Variants in IL13RA1 observed in about 807,000 individuals in gnomAD.
The protein encoded by IL13RA1 is interleukin-13 receptor subunit alpha-1.
Under a neutral mutation model 33.8 loss-of-function variants are expected in IL13RA1, and 14 were observed. The observed-to-expected ratio is 0.41, with a 90% CI of 0.27 to 0.65. The LOEUF (loss-of-function observed/expected upper bound fraction) is 0.65. IL13RA1 is among the 30% of genes least tolerant of loss of function. The pLI is 0.28. For missense variants in IL13RA1, 313 were observed against 327.0 expected (o/e 0.96, Z 0.33); for synonymous variants, 116 against 115.7 (o/e 1.00, Z -0.02).
In IL13RA1 at chrX:118,794,352, A is replaced by G. The variant is rs1056853529; in HGVS notation, c.*2498A>G. ...GATTTTTTCCTAACATACCTAAGCA[A>G]ACCCAGTGTCAGGATGGTAATTCTT... On this transcript the variant is annotated 3_prime_UTR_variant, in exon 11 of 11. Transcript: ENST00000371666. The G allele has an allele frequency of 1.8e-5, 2 of 112,298 alleles. No individual in the cohort carries two copies. Among genetic ancestry groups the G allele is most frequent in the Non-Finnish European group, 3.8e-5 (2 of 53,210 alleles). The allele number at this position is 112,298 out of a possible 1,213,427, so 9.3% of individuals were successfully genotyped here. A position where few individuals can be genotyped will look rare whatever the true frequency, so the allele number is the denominator to read the frequency against.
chrX:118,756,993 G>C (rs1035470707), intron 4 of IL13RA1, among the ~76,000 whole-genome samples: 1 of 111,223 alleles, frequency 9.0e-6, no homozygotes, highest in Non-Finnish European at 1.9e-5. Flanking sequence ...GTCAGAAAGA[G>C]GGAAGAATGT....
At chrX:118,751,919 A>AAAT (rs2017474210) in intron 4 of IL13RA1, among the ~76,000 whole-genome samples, 1 of 107,906 alleles carries the variant, frequency 9.3e-6, no homozygotes, top group African/African-American at 3.4e-5. Context: ...AAAAAAAAAA[A>AAAT]GTAACACACA....
chrX:118,750,939 T>C (rs987400601), intron 4 of IL13RA1, among the ~76,000 whole-genome samples: 5 of 110,990 alleles, frequency 4.5e-5, no homozygotes, highest in Non-Finnish European at 7.5e-5. Context: ...CCCAAGCAGC[T>C]GGAATTACAT....
chrX:118,767,351 A>G (rs916888491), intron 8 of IL13RA1, among the ~76,000 whole-genome samples: 1 of 111,324 alleles, frequency 9.0e-6, no homozygotes, highest in Non-Finnish European at 1.9e-5. Flanking sequence ...GACCAGCCTG[A>G]GCAACATGGT....
At chrX:118,747,587 G>T (rs2017421147) in intron 3 of IL13RA1, among the ~76,000 whole-genome samples, 1 of 111,348 alleles carries the variant, frequency 9.0e-6, no homozygotes, top group African/African-American at 3.3e-5. Context: ...TGATATGCAG[G>T]ATATATTTGG....
At chrX:118,756,040 A>C (rs1454495491) in intron 4 of IL13RA1, among the ~76,000 whole-genome samples, 2 of 110,671 alleles carry the variant, frequency 1.8e-5, no homozygotes, top group Non-Finnish European at 3.8e-5. Flanking sequence ...CTTGCAGCAG[A>C]ATCTCCTGGA....
At chrX:118,772,200 G>T (rs2017730005) in intron 8 of IL13RA1, among the ~76,000 whole-genome samples, 1 of 112,687 alleles carries the variant, frequency 8.9e-6, no homozygotes, top group African/African-American at 3.2e-5. Context: ...TTGAGGGAAA[G>T]TAATTTCCCT....
At chrX:118,757,725 C>T (rs1439461269) in intron 4 of IL13RA1, among the ~76,000 whole-genome samples, 1 of 73,178 alleles carries the variant, frequency 1.4e-5, no homozygotes. Context: ...GGGTCTTACT[C>T]GGTCACCCAG....
At chrX:118,738,449 C>T (rs975833351) in intron 1 of IL13RA1, among the ~76,000 whole-genome samples, 13 of 111,559 alleles carry the variant, frequency 1.2e-4, no homozygotes, top group African/African-American at 4.2e-4. Context: ...GTTTAACACC[C>T]ACTTATGAGT....
At chrX:118,770,953 C>G in intron 8 of IL13RA1, 1 of 237,240 alleles carries the variant, frequency 4.2e-6, no homozygotes, top group South Asian at 4.7e-5. Context: ...CCTATTCCAA[C>G]CTCTCCTCAC....
At chrX:118,800,318 C>T in the IL13RA1 span, among the ~76,000 whole-genome samples, 1 of 110,427 alleles carries the variant, frequency 9.1e-6, no homozygotes, top group South Asian at 4.0e-4. Context: ...TATCTTGCTA[C>T]TGCTCACTCT....
intron 10 of IL13RA1, among the ~76,000 whole-genome samples, chrX:118,786,066 C>G (rs1472500536): frequency 9.0e-6 from 1 of 111,100 alleles, no homozygotes; most frequent in Non-Finnish European, 1.9e-5. Context: ...TGTTTTAATT[C>G]TGTAAGAGTA....
At chrX:118,760,159 T>C (rs1215041919) in intron 5 of IL13RA1, among the ~76,000 whole-genome samples, 1 of 112,109 alleles carries the variant, frequency 8.9e-6, no homozygotes, top group Non-Finnish European at 1.9e-5. Flanking sequence ...TTTAGAACTT[T>C]TTCATCTTGC....
At chrX:118,759,319 A>G (rs1315401244) in intron 5 of IL13RA1, among the ~76,000 whole-genome samples, 1 of 112,704 alleles carries the variant, frequency 8.9e-6, no homozygotes, top group African/African-American at 3.2e-5. Context: ...AAAAATTGTC[A>G]TAAGGTCCAA....
intron 10 of IL13RA1, among the ~76,000 whole-genome samples, chrX:118,784,436 G>A (rs1441644219): frequency 9.1e-6 from 1 of 110,210 alleles, no homozygotes; most frequent in African/African-American, 3.3e-5. Flanking sequence ...TAACAAATGA[G>A]AATTAAAAGA....
intron 4 of IL13RA1, among the ~76,000 whole-genome samples, chrX:118,755,831 G>T (rs1464317966): frequency 8.9e-6 from 1 of 111,942 alleles, no homozygotes; most frequent in Non-Finnish European, 1.9e-5. Context: ...AGGACAGTCT[G>T]ATCCAAAAAC....
chrX:118,738,319 A>G (rs931101464), intron 1 of IL13RA1: 2 of 111,812 alleles, frequency 1.8e-5, no homozygotes, highest in Non-Finnish European at 3.8e-5. Flanking sequence ...CTGATCACCC[A>G]GGCTGTAACC....
At chrX:118,784,128 T>TATATATATATATAC (rs1491144478) in intron 10 of IL13RA1, among the ~76,000 whole-genome samples, 1 of 26,284 alleles carries the variant, frequency 3.8e-5, no homozygotes, top group African/African-American at 1.2e-4. Context: ...TGTATATATA[T>TATATATATATATAC]GTATATATAT....
chrX:118,740,530 T>C (rs551003663), intron 1 of IL13RA1, among the ~76,000 whole-genome samples: 2 of 112,026 alleles, frequency 1.8e-5, no homozygotes, highest in African/African-American at 6.5e-5. Context: ...GGTGGCTTTA[T>C]ACCTGTAATC....
Sources: allele counts gnomAD v4.1 joint callset (sites outside exome capture counted in the v4.1 genomes callset), GRCh38; gene constraint gnomAD v4.1.1; transcripts MANE v1.5; gene names NCBI Gene and HGNC (gene_info 2026-07-23, HGNC 2026-07-21).